EMP2: variants seen among roughly 807,000 people sequenced by gnomAD.
EMP2 encodes epithelial membrane protein 2.
Under a neutral mutation model 13.7 loss-of-function variants are expected in EMP2, and 19 were observed. That is an observed-to-expected ratio of 1.38 (90% CI 0.97 to 2.03). The LOEUF (loss-of-function observed/expected upper bound fraction) is 2.03. Ranked by LOEUF, EMP2 falls within the 30% of genes most tolerant of loss-of-function variation. EMP2 has a pLI of 0.00. For synonymous variants in EMP2, 97 were observed against 84.7 expected, an observed-to-expected ratio of 1.15 and a Z score of -0.80; for missense variants, 253 against 220.7, an observed-to-expected ratio of 1.15 and a Z score of -0.93.
intron 2 of EMP2, among the ~76,000 whole-genome samples, chr16:10,543,936 T>A (rs1250022734): frequency 6.6e-6 from 1 of 152,184 alleles, no homozygotes; most frequent in Non-Finnish European, 1.5e-5. Flanking sequence ...CTTGGCTCAC[T>A]GCAGCCTCCA....
intron 1 of EMP2, among the ~76,000 whole-genome samples, chr16:10,557,258 G>A (rs1418443762): frequency 6.6e-6 from 1 of 151,554 alleles, no homozygotes; most frequent in African/African-American, 2.4e-5. Context: ...TTGGGAGGCT[G>A]AGGCATGAGA....
intron 1 of EMP2, among the ~76,000 whole-genome samples, chr16:10,561,721 G>T (rs1473682690): frequency 6.6e-6 from 1 of 152,202 alleles, no homozygotes; most frequent in South Asian, 2.1e-4. Context: ...ACAGTGTCAG[G>T]TGCCTGGCAT....
intron 1 of EMP2, among the ~76,000 whole-genome samples, chr16:10,570,764 C>G (rs1178044901): frequency 6.6e-6 from 1 of 152,060 alleles, no homozygotes; most frequent in East Asian, 1.9e-4. Flanking sequence ...TGGTCTCAAA[C>G]TCCTGGCCTG....
Position 10,529,233 on chromosome 16 carries a change from C to A in EMP2, c.*3672G>T, listed in dbSNP as rs371670132. 1.3e-5 allele frequency: 2 copies of A among 152,146 alleles called. No homozygotes were observed. The highest frequency in any genetic ancestry group is 2.9e-5 in the Non-Finnish European group (2 of 68,020). 9.4% of individuals were successfully genotyped at this position (152,146 alleles called of 1,614,324 possible). A position where few individuals can be genotyped will look rare whatever the true frequency, so the allele number is the denominator to read the frequency against. On this transcript the variant is annotated 3_prime_UTR_variant, in exon 5 of 5. Coordinates refer to ENST00000359543, the MANE Select transcript of EMP2 (RefSeq NM_001424.6). ...AAATACAGTTGATGCTATCTTTGGT[C>A]CTAATATGTGCTTCTTGGATGTCTA...
chr16:10,563,693 G>C (rs185696942), intron 1 of EMP2, among the ~76,000 whole-genome samples: 1 of 152,322 alleles, frequency 6.6e-6, no homozygotes, highest in Admixed American at 6.5e-5. Context: ...GAAGTAATTT[G>C]AGTGAAATGA....
At position 10,532,941 on chromosome 16, in the gene EMP2, G is replaced by C. The variant is rs141501308; in HGVS notation, c.468C>G (p.Ser156Arg). The part of the protein sequence containing the change: ...AWVAFACTFI[S>R]GMMYLILRKR... Reference sequence around the variant, plus strand: ...TCCTCAGTATCAGGTACATCATGCCGCTGATGAAGGTGCAGGCGAAGGCCA... The same window carrying C: ...TCCTCAGTATCAGGTACATCATGCCCCTGATGAAGGTGCAGGCGAAGGCCA... Residue 156 changes from serine to arginine, a missense_variant, in exon 5 of 5, where the codon AGC (serine) becomes AGG (arginine). Coordinates refer to ENST00000359543, the MANE Select transcript of EMP2 (RefSeq NM_001424.6). 1.9e-6 allele frequency: 3 copies of C among 1,601,154 alleles called. No individual in the cohort carries two copies. The highest frequency in any genetic ancestry group is 2.6e-6 in the Non-Finnish European group (3 of 1,173,266).
intron 1 of EMP2, among the ~76,000 whole-genome samples, chr16:10,578,572 G>A (rs1481919385): frequency 6.6e-6 from 1 of 152,198 alleles, no homozygotes; most frequent in East Asian, 1.9e-4. Context: ...GTGGGGCAGT[G>A]TCAGCCCCAA....
chr16:10,577,505 G>T (rs957393619), intron 1 of EMP2, among the ~76,000 whole-genome samples: 1 of 152,112 alleles, frequency 6.6e-6, no homozygotes, highest in African/African-American at 2.4e-5. Flanking sequence ...TCTGCAGGGA[G>T]CCAGGCTTCA....
rs1227325695 is a variant in EMP2, at chr16:10,531,208, G to C, written c.*1697C>G. On this transcript the variant is annotated 3_prime_UTR_variant, in exon 5 of 5. Coordinates refer to ENST00000359543, the MANE Select transcript of EMP2 (RefSeq NM_001424.6). ...AGGCTGGTCTTGAACTCCTGACCTT[G>C]TGATCCACCTGCCTCAGCCTCCCAA... 1 of 151,930 alleles carries C rather than the reference G, an allele frequency of 6.6e-6. No individual in the cohort carries two copies. Among genetic ancestry groups the C allele is most frequent in the African/African-American group, 2.4e-5 (1 of 41,332 alleles). 9.4% of individuals were successfully genotyped at this position (151,930 alleles called of 1,614,324 possible).
chr16:10,540,520 A>AAATAAAT (rs1596370033), intron 3 of EMP2, among the ~76,000 whole-genome samples: 1 of 151,472 alleles, frequency 6.6e-6, no homozygotes, highest in African/African-American at 2.4e-5. Context: ...ATAAATAAAT[A>AAATAAAT]AATAAACAAA....
chr16:10,547,675 G>A lies in EMP2; in HGVS notation c.-58C>T. On this transcript the variant is annotated splice_region_variant and 5_prime_UTR_variant, in exon 2 of 5. Coordinates refer to ENST00000359543, the MANE Select transcript of EMP2 (RefSeq NM_001424.6). The stretch of plus-strand genomic sequence containing the variant: ...TCACGTTTAAAGCCCAGAGCGGGAT[G>A]TGCTGAAGAGGGTAAGAAAGAGAAA... 2.0e-6 allele frequency: 3 copies of A among 1,537,138 alleles called. No individual in the cohort carries two copies. The highest frequency in any genetic ancestry group is 2.3e-5 in the East Asian group (1 of 44,394).
chr16:10,551,043 G>C (rs2050784787), intron 1 of EMP2, among the ~76,000 whole-genome samples: 1 of 151,864 alleles, frequency 6.6e-6, no homozygotes, highest in South Asian at 2.1e-4. Context: ...GTGTAAATGA[G>C]ACACATTACA....
At chr16:10,554,032 TTTC>T (rs1186417839) in intron 1 of EMP2, among the ~76,000 whole-genome samples, 276 of 122,598 alleles carry the variant, frequency 2.3e-3, no homozygotes, top group African/African-American at 7.7e-3. Flanking sequence ...TTTTTCTTTC[TTTC>T]TTTTTTTTTT....
rs116049829 is a variant in EMP2, at chr16:10,534,573, C to T, written c.317-1481G>A. On this transcript the variant is annotated intron_variant, in intron 4 of 4. Coordinates refer to ENST00000359543, the MANE Select transcript of EMP2 (RefSeq NM_001424.6). ...TTGCACCCAGGAGCTCGAGACCAGC[C>T]TGGCCAACATAGCAAAACCTCACCT... Among the ~76,000 whole-genome samples, 389 of 152,216 alleles carry T rather than the reference C, an allele frequency of 2.6e-3. 2 individuals are homozygous for T. Among genetic ancestry groups the T allele is most frequent in the African/African-American group, 9.0e-3 (375 of 41,538 alleles).
chr16:10,549,725 A>T (rs76313055), intron 1 of EMP2, among the ~76,000 whole-genome samples: 2 of 45,974 alleles, frequency 4.4e-5, no homozygotes, highest in Admixed American at 2.6e-4. Flanking sequence ...GCACACACAC[A>T]CACTCACACA....
intron 1 of EMP2, among the ~76,000 whole-genome samples, chr16:10,563,108 A>G (rs1026933589): frequency 2.0e-5 from 3 of 152,162 alleles, no homozygotes; most frequent in Non-Finnish European, 4.4e-5. Flanking sequence ...TCTTTCCTTC[A>G]CAGAGCACCT....
intron 1 of EMP2, among the ~76,000 whole-genome samples, chr16:10,557,236 C>T (rs1372956548): frequency 6.6e-6 from 1 of 151,748 alleles, no homozygotes; most frequent in South Asian, 2.1e-4. Context: ...AGATGCCTAT[C>T]GTCCCAGCTA....
rs1023972784 is a variant in EMP2 at position 10,528,671 on chromosome 16, A to G, written c.*4234T>C. ...AAGGTACATTAAGTAGAAAGTTTCTAACTACCCTAAAGTCACAAACCAAGA... is the reference window on the plus strand; with the variant it reads ...AAGGTACATTAAGTAGAAAGTTTCTGACTACCCTAAAGTCACAAACCAAGA... On this transcript the variant is annotated 3_prime_UTR_variant, in exon 5 of 5. Transcript: ENST00000359543. The G allele has an allele frequency of 2.0e-5, 3 of 152,242 alleles. No homozygotes were observed. Among genetic ancestry groups the G allele is most frequent in the Non-Finnish European group, 4.4e-5 (3 of 68,050 alleles). The allele number at this position is 152,242 out of a possible 1,614,324, so 9.4% of individuals were successfully genotyped here.
chr16:10,577,178 G>A (rs56092102), intron 1 of EMP2, among the ~76,000 whole-genome samples: 1 of 152,122 alleles, frequency 6.6e-6, no homozygotes, highest in Admixed American at 6.5e-5. Context: ...CTAGCTGTCA[G>A]TGTCATACTG....
Sources: gnomAD v4.1 joint callset for allele counts (sites outside exome capture counted in the v4.1 genomes callset) on GRCh38, gnomAD v4.1.1 for gene constraint, MANE v1.5 for transcripts, NCBI Gene and HGNC (gene_info 2026-07-23, HGNC 2026-07-21) for gene names.